The following SNED1 variants were observed in gnomAD, a reference collection of about 807,000 sequenced individuals.
SNED1 encodes the protein sushi, nidogen and EGF-like domain-containing protein 1.
In SNED1, 81 loss-of-function variants were observed where a neutral mutation model predicts 166.7. The ratio of observed to expected loss-of-function variants is 0.49; its 90% CI spans 0.41 to 0.58. The LOEUF is 0.58. Ranked by LOEUF, SNED1 falls within the 20% of genes least tolerant of loss-of-function variation. The pLI, the probability that SNED1 is intolerant of heterozygous loss-of-function variation, is 0.00. For missense variants in SNED1, 1,604 were observed against 2,000.2 expected (o/e 0.80, Z 3.78); for synonymous variants, 762 against 822.0 (o/e 0.93, Z 1.25).
At chr2:241,089,939 C>G (rs1452230888) in intron 31 of SNED1, 2 of 1,537,704 alleles carry the variant, frequency 1.3e-6, no homozygotes, top group Non-Finnish European at 1.8e-6. Context: ...ACGTAGAAAA[C>G]CTACAGTAAA....
At chr2:241,026,254 G>C (rs1320508383) in intron 1 of SNED1, among the ~76,000 whole-genome samples, 2 of 152,104 alleles carry the variant, frequency 1.3e-5, no homozygotes, top group African/African-American at 2.4e-5. Context: ...CTGACCTCAT[G>C]ATCCACCCAC....
At position 241,094,515 on chromosome 2, in the gene SNED1, G is replaced by A; in HGVS notation, c.*2879G>A. The stretch of plus-strand genomic sequence containing the variant: ...TCACACCTACCAGGGGTATTCCAGT[G>A]CATAGGGGAAAGGAACCCGGCTGAA... On this transcript the variant is annotated 3_prime_UTR_variant, in exon 32 of 32. Coordinates refer to ENST00000310397, the MANE Select transcript of SNED1 (RefSeq NM_001080437.3). This position sits in a 1 kb window ranked among gnomAD's most constrained non-coding sequence, Gnocchi z 4.3. 2.5e-6 allele frequency: 1 copy of A among 396,150 alleles called. No individual in the cohort carries two copies. 24.5% of individuals were successfully genotyped at this position (396,150 alleles called of 1,614,324 possible).
chr2:241,062,931 G>A (rs763854854), intron 17 of SNED1, 27 bp downstream of exon 17: 1 of 1,436,002 alleles, frequency 7.0e-7, no homozygotes, highest in East Asian at 2.4e-5. Flanking sequence ...CCCCGCTGGG[G>A]TGACAGCTGC....
intron 2 of SNED1, chr2:241,033,419 A>T (rs116708914): frequency 0.017 from 4,561 of 263,190 alleles, 211 homozygotes; most frequent in African/African-American, 0.095. Flanking sequence ...CACACAGGAG[A>T]TTTTGTGGAT....
At chr2:241,057,687 A>G (rs1398362867) in intron 16 of SNED1, among the ~76,000 whole-genome samples, 2 of 152,030 alleles carry the variant, frequency 1.3e-5, no homozygotes, top group Non-Finnish European at 2.9e-5. Context: ...GTCTCTAAAA[A>G]ATTAAAAATT....
chr2:241,069,889 C>T lies in SNED1; in HGVS notation c.3308-31C>T, dbSNP rs1336320264. 5.0e-6 allele frequency: 8 copies of T among 1,601,632 alleles called. No individual in the cohort carries two copies. Among genetic ancestry groups the T allele is most frequent in the Admixed American group, 1.7e-5 (1 of 59,552 alleles). On this transcript the variant is annotated intron_variant, in intron 23 of 31. Coordinates refer to ENST00000310397, the MANE Select transcript of SNED1 (RefSeq NM_001080437.3). The surrounding 1 kb of genome is among the most constrained non-coding windows in gnomAD (Gnocchi z 4.9). ...TTGCCAGAAGACCCTGTGGGCACCC[C>T]CTCACCTCTCCCTGCTCCTGCCTCA...
intron 12 of SNED1, chr2:241,050,176 A>G: frequency 3.5e-6 from 2 of 569,388 alleles, no homozygotes; most frequent in Non-Finnish European, 6.3e-6. Context: ...AATAGGCTTC[A>G]TTGCCTGCTC....
At chr2:241,058,905 G>A (rs1174355940) in intron 16 of SNED1, among the ~76,000 whole-genome samples, 6 of 151,292 alleles carry the variant, frequency 4.0e-5, no homozygotes, top group African/African-American at 9.7e-5. Flanking sequence ...AGCCAAGATC[G>A]CACCACTGCA....
chr2:241,017,955 A>G (rs2060648282), intron 1 of SNED1, among the ~76,000 whole-genome samples: 2 of 152,230 alleles, frequency 1.3e-5, no homozygotes, highest in South Asian at 4.1e-4. Flanking sequence ...TCCCGCTACG[A>G]TGACCAACTC....
chr2:241,048,605 G>A (rs971190786), intron 9 of SNED1, 57 bp from the exon 10 acceptor site: 93 of 1,527,956 alleles, frequency 6.1e-5, no homozygotes, highest in Non-Finnish European at 6.9e-5. Flanking sequence ...GGTCTGGAGC[G>A]AGGGTGCCAT....
At chr2:241,052,687 CGG>C (rs1458079766) in intron 15 of SNED1, among the ~76,000 whole-genome samples, 268 of 1,692 alleles carry the variant, frequency 0.16, 7 homozygotes, top group African/African-American at 0.36. Flanking sequence ...GTGAGAGGGT[CGG>C]CGGGGGGGGG....
rs2061479614 is a variant in SNED1, at chr2:241,039,991, C to A, written c.1046-84C>A. The A allele has an allele frequency of 1.1e-5, 12 of 1,095,720 alleles. No individual in the cohort carries two copies. In the South Asian group the frequency reaches 1.6e-4, roughly 14 times the overall value. 67.9% of individuals were successfully genotyped at this position (1,095,720 alleles called of 1,614,324 possible). A position where few individuals can be genotyped will look rare whatever the true frequency, so the allele number is the denominator to read the frequency against. Reference sequence around the variant, plus strand: ...CAATGTAAGCCAGTTGGGGGTGGGGCTCAGTGTACGTCCCAGGGGTTTCTG... The same window carrying A: ...CAATGTAAGCCAGTTGGGGGTGGGGATCAGTGTACGTCCCAGGGGTTTCTG... On this transcript the variant is annotated intron_variant, in intron 6 of 31. Coordinates refer to ENST00000310397, the MANE Select transcript of SNED1 (RefSeq NM_001080437.3).
chr2:241,057,855 G>A (rs970118831), intron 16 of SNED1, among the ~76,000 whole-genome samples: 77 of 152,040 alleles, frequency 5.1e-4, no homozygotes, highest in African/African-American at 1.8e-3. Flanking sequence ...AAGATAATAA[G>A]ATAAACCCAG....
In SNED1 at chr2:241,075,444, G is replaced by A. The variant is rs1268816011; in HGVS notation, c.3916+2080G>A. 1 of 152,202 alleles carries A rather than the reference G, an allele frequency of 6.6e-6. No homozygotes were observed. 9.4% of individuals were successfully genotyped at this position (152,202 alleles called of 1,614,324 possible). On this transcript the variant is annotated intron_variant, in intron 27 of 31. Coordinates refer to ENST00000310397, the MANE Select transcript of SNED1 (RefSeq NM_001080437.3). The surrounding 1 kb of genome is among the most constrained non-coding windows in gnomAD (Gnocchi z 4.8). Reference sequence around the variant, plus strand: ...TGGGATGCACACCCCTGGGATCTGGGTTTGCATCTCCTGGGCACTGATGTG... The same window carrying A: ...TGGGATGCACACCCCTGGGATCTGGATTTGCATCTCCTGGGCACTGATGTG...
At chr2:241,036,626 G>A (rs944552177) in intron 4 of SNED1, among the ~76,000 whole-genome samples, 164 bp from the exon 5 acceptor site, 2 of 150,508 alleles carry the variant, frequency 1.3e-5, no homozygotes, top group African/African-American at 4.8e-5. Flanking sequence ...CCCCTGCTCC[G>A]ACCTAAAGTG....
intron 1 of SNED1, among the ~76,000 whole-genome samples, chr2:241,026,789 G>T (rs1261177878): frequency 6.6e-6 from 1 of 151,988 alleles, no homozygotes. Context: ...TAAATGTGTG[G>T]TTCAATGATT....
chr2:241,049,959 C>T (rs1237606804), intron 12 of SNED1, 26 bp downstream of exon 12: 7 of 1,566,506 alleles, frequency 4.5e-6, no homozygotes, highest in Middle Eastern at 1.7e-4. Flanking sequence ...GCGTCCGGGC[C>T]GGCGTCAGCA....
At chr2:241,090,284 G>A (rs766472598) in intron 31 of SNED1, 20 of 1,546,424 alleles carry the variant, frequency 1.3e-5, no homozygotes, top group Non-Finnish European at 1.6e-5. Context: ...CTACACAGGG[G>A]CAGGATCATC....
At chr2:241,085,928 G>A (rs2063553975) in intron 29 of SNED1, among the ~76,000 whole-genome samples, 1 of 147,154 alleles carries the variant, frequency 6.8e-6, no homozygotes, top group African/African-American at 2.5e-5. Context: ...GTGCAGTGGA[G>A]CGATCTCAGC....
Sources: allele counts gnomAD v4.1 joint callset (sites outside exome capture counted in the v4.1 genomes callset), GRCh38; gene constraint gnomAD v4.1.1; non-coding constraint Gnocchi (gnomAD v3.1); transcripts MANE v1.5; gene names NCBI Gene and HGNC (gene_info 2026-07-23, HGNC 2026-07-21).